Variants in PCNX2 observed in about 807,000 individuals in gnomAD.
PCNX2 encodes the protein pecanex-like protein 2.
PCNX2 carries 168 observed loss-of-function variants against 223.8 expected under a neutral mutation model. The ratio of observed to expected loss-of-function variants is 0.75; its 90% CI spans 0.66 to 0.85. The LOEUF (loss-of-function observed/expected upper bound fraction) is 0.85. Among genes scored for constraint, PCNX2 ranks in the 40% least tolerant of loss-of-function variants. PCNX2 has a pLI of 0.00. For missense variants in PCNX2, 2,507 were observed against 2,675.5 expected (o/e 0.94, Z 1.39); for synonymous variants, 1,006 against 1,052.6 (o/e 0.96, Z 0.86).
In PCNX2 at chr1:232,984,494, A is replaced by AT. The variant is rs1448787866; in HGVS notation, c.6241-18_6241-17insA. ...GGAGAGGTGCTTCCAAAGAGAAGAG[A>AT]GAAACAGTGAACAGCTCAGCAAACG... On this transcript the variant is annotated splice_polypyrimidine_tract_variant and intron_variant, in intron 33 of 33. Coordinates refer to ENST00000258229, the MANE Select transcript of PCNX2 (RefSeq NM_014801.4). 2 of 1,609,694 alleles carry AT rather than the reference A, an allele frequency of 1.2e-6. No homozygotes were observed. The highest frequency in any genetic ancestry group is 4.5e-5 in the East Asian group (2 of 44,798).
chr1:233,011,798 C>CTA (rs1405685618), intron 28 of PCNX2, among the ~76,000 whole-genome samples: 1 of 152,204 alleles, frequency 6.6e-6, no homozygotes, highest in Non-Finnish European at 1.5e-5. Flanking sequence ...AGACCTGGCC[C>CTA]TATGCATCTC....
intron 23 of PCNX2, among the ~76,000 whole-genome samples, chr1:233,080,527 G>C (rs1366668248): frequency 2.0e-5 from 3 of 152,034 alleles, no homozygotes; most frequent in African/African-American, 7.3e-5. Context: ...TCCAGTTCTG[G>C]AGGCTGGAAG....
At chr1:233,140,774 G>A (rs535468053) in intron 19 of PCNX2, among the ~76,000 whole-genome samples, 65 of 152,292 alleles carry the variant, frequency 4.3e-4, no homozygotes, top group Non-Finnish European at 6.9e-4. Context: ...ACTGGAACAA[G>A]AGCCAGGACT....
chr1:232,984,455 G>A lies in PCNX2; in HGVS notation c.6263C>T (p.Pro2088Leu). ...CTGCCCCTGCTCGGTGGCATCAGGG[G>A]GCTCACATGGCTCGGAGAGGTGCTT... is the stretch of plus-strand genomic sequence containing the variant. ...ATRHLSEPCE[P>L]PDATEQGQLH... Residue 2088 changes from proline to leucine, a missense_variant, in exon 34 of 34, where the codon CCC (proline) becomes CTC (leucine). Transcript: ENST00000258229. The A allele has an allele frequency of 1.2e-6, 2 of 1,613,272 alleles. No homozygotes were observed. Among genetic ancestry groups the A allele is most frequent in the Non-Finnish European group, 1.7e-6 (2 of 1,179,678 alleles).
rs1455971376 is a variant in PCNX2, at chr1:233,235,967, T to A, written c.2358+878A>T. On this transcript the variant is annotated intron_variant, in intron 9 of 33. Coordinates refer to ENST00000258229, the MANE Select transcript of PCNX2 (RefSeq NM_014801.4). Reference sequence around the variant, plus strand: ...GCAATCATAAAAAAAAATATATATATATATATATATATATATATAATTATA... The same window carrying A: ...GCAATCATAAAAAAAAATATATATAAATATATATATATATATATAATTATA... Among the ~76,000 whole-genome samples the A allele has an allele frequency of 5.5e-3, 727 of 133,256 alleles. 11 individuals are homozygous for A. Among genetic ancestry groups the A allele is most frequent in the African/African-American group, 0.021 (646 of 30,894 alleles). 87.4% of individuals were successfully genotyped at this position (133,256 alleles called of 152,430 possible).
chr1:233,088,295 T>C (rs1038350637), intron 23 of PCNX2, among the ~76,000 whole-genome samples: 15 of 152,308 alleles, frequency 9.8e-5, no homozygotes, highest in Admixed American at 2.6e-4. Flanking sequence ...TATCTGAGAA[T>C]AGGAGGCAAA....
intron 15 of PCNX2, among the ~76,000 whole-genome samples, 188 bp downstream of exon 15, chr1:233,198,751 A>G (rs1680881462): frequency 6.6e-6 from 1 of 152,198 alleles, no homozygotes; most frequent in Admixed American, 6.5e-5. Flanking sequence ...GGCCTTTCAC[A>G]TTAGGGCCAA....
intron 23 of PCNX2, among the ~76,000 whole-genome samples, chr1:233,079,745 C>G (rs1198335650): frequency 6.6e-6 from 1 of 152,104 alleles, no homozygotes; most frequent in Non-Finnish European, 1.5e-5. Flanking sequence ...CTCTGTGTCC[C>G]TCGGCCCAGC....
intron 26 of PCNX2, among the ~76,000 whole-genome samples, chr1:233,023,203 C>G (rs958318547): frequency 1.3e-5 from 2 of 152,180 alleles, no homozygotes; most frequent in Admixed American, 6.5e-5. Context: ...AGGAAATACT[C>G]AAGGGACACT....
Position 233,258,803 on chromosome 1 carries a change from C to T in PCNX2, c.1059G>A (p.Glu353=). ...AAGTATCGATGAGAGTAACAGCTACCTCACTATCTGAGGAGTCCACTTCCT... is the reference window on the plus strand; with the variant it reads ...AAGTATCGATGAGAGTAACAGCTACTTCACTATCTGAGGAGTCCACTTCCT... The part of the protein sequence containing the change: ...LHQEVDSSDS[E]VAVTLIDTSQ... Residue 353 remains glutamate (E), a synonymous_variant, in exon 5 of 34, where the codon GAG becomes GAA. Coordinates refer to ENST00000258229, the MANE Select transcript of PCNX2 (RefSeq NM_014801.4). 1 of 1,613,926 alleles carries T rather than the reference C, an allele frequency of 6.2e-7. No individual in the cohort carries two copies. The highest frequency in any genetic ancestry group is 2.2e-5 in the East Asian group (1 of 44,870).
intron 25 of PCNX2, among the ~76,000 whole-genome samples, chr1:233,052,516 T>C (rs575049296): frequency 3.9e-5 from 6 of 152,306 alleles, no homozygotes; most frequent in East Asian, 3.9e-4. Context: ...TTCTCCTCCA[T>C]TGAGCTGACC....
the PCNX2 span, among the ~76,000 whole-genome samples, chr1:233,314,850 C>G: frequency 6.6e-6 from 1 of 152,206 alleles, no homozygotes; most frequent in African/African-American, 2.4e-5. Flanking sequence ...AACTTTCACT[C>G]ATTGAACCCT....
intron 21 of PCNX2, among the ~76,000 whole-genome samples, chr1:233,114,554 C>T (rs780427893): frequency 1.1e-4 from 16 of 152,096 alleles, no homozygotes; most frequent in African/African-American, 3.4e-4. Context: ...ACTTCAGAGA[C>T]GTTTGGTTTC....
chr1:233,071,061 T>C (rs998094556), intron 23 of PCNX2, among the ~76,000 whole-genome samples: 8 of 152,110 alleles, frequency 5.3e-5, no homozygotes, highest in Non-Finnish European at 8.8e-5. Flanking sequence ...AAAAATAAAA[T>C]GAAAACCTAC....
intron 12 of PCNX2, among the ~76,000 whole-genome samples, chr1:233,209,462 CA>C (rs1218331376): frequency 2.6e-5 from 4 of 151,946 alleles, no homozygotes; most frequent in South Asian, 2.1e-4. Context: ...TTATAAGATT[CA>C]GGGGGAAAAA....
At position 233,057,260 on chromosome 1, in the gene PCNX2, T is replaced by G; in HGVS notation, c.4107A>C (p.Arg1369Ser). Residue 1369 changes from arginine (R) to serine (S), a missense_variant, in exon 24 of 34, where the codon AGA (arginine) becomes AGC (serine). Coordinates refer to ENST00000258229, the MANE Select transcript of PCNX2 (RefSeq NM_014801.4). ...GATCTCTTTCAATTTGGACTGCCAG[T>G]CTTGTGTTGGAATTATCCACTCGCC... is the stretch of plus-strand genomic sequence containing the variant. ...NTRRVDNSNT[R>S]LAVQIERDPG... 2 of 1,610,612 alleles carry G rather than the reference T, an allele frequency of 1.2e-6. No homozygotes were observed. Among genetic ancestry groups the G allele is most frequent in the East Asian group, 2.2e-5 (1 of 44,816 alleles).
intron 17 of PCNX2, among the ~76,000 whole-genome samples, chr1:233,174,736 T>A (rs1169285166): frequency 6.6e-6 from 1 of 152,126 alleles, no homozygotes; most frequent in African/African-American, 2.4e-5. Flanking sequence ...GACAAAGATA[T>A]GAAAGTTAAA....
At chr1:233,089,715 C>A in intron 23 of PCNX2, 1 of 260,920 alleles carries the variant, frequency 3.8e-6, no homozygotes, top group East Asian at 1.4e-4. Context: ...AAAAAGTATG[C>A]CATCCAGGGG....
At chr1:232,985,831 C>T (rs1288186055) in intron 33 of PCNX2, 3 of 603,664 alleles carry the variant, frequency 5.0e-6, no homozygotes, top group African/African-American at 1.9e-5. Context: ...TTCTGCAGAA[C>T]CTCTGTATCC....
Sources: gnomAD v4.1 joint callset for allele counts (sites outside exome capture counted in the v4.1 genomes callset) on GRCh38, gnomAD v4.1.1 for gene constraint, MANE v1.5 for transcripts, NCBI Gene and HGNC (gene_info 2026-07-23, HGNC 2026-07-21) for gene names.